Variants in SAMSN1 observed in about 807,000 individuals in gnomAD.
The protein encoded by SAMSN1 is SAM domain, SH3 domain and nuclear localization signals 1.
Under a neutral mutation model 42.0 loss-of-function variants are expected in SAMSN1, and 31 were observed. The ratio of observed to expected loss-of-function variants is 0.74; its 90% CI spans 0.55 to 1.00. SAMSN1 has a LOEUF of 1.00. Among genes scored for constraint, SAMSN1 ranks in the 50% least tolerant of loss-of-function variants. The pLI is 0.00. For missense variants in SAMSN1, 464 were observed against 439.4 expected (o/e 1.06, Z -0.50); for synonymous variants, 178 against 151.9 (o/e 1.17, Z -1.26).
intron 5 of SAMSN1, among the ~76,000 whole-genome samples, chr21:14,603,419 A>T (rs115325020): frequency 5.6e-4 from 85 of 152,340 alleles, no homozygotes; most frequent in African/African-American, 1.9e-3. Context: ...ATGGAGAGAG[A>T]CCACTATGAC....
chr21:14,636,523 G>A (rs1432508165), intron 2 of SAMSN1, among the ~76,000 whole-genome samples: 1 of 152,100 alleles, frequency 6.6e-6, no homozygotes, highest in Non-Finnish European at 1.5e-5. Context: ...TTGGTAAATG[G>A]ATGTGTTTCC....
chr21:14,558,515 C>A (rs1980836375), intron 2 of SAMSN1, among the ~76,000 whole-genome samples: 1 of 150,534 alleles, frequency 6.6e-6, no homozygotes, highest in African/African-American at 2.5e-5. Context: ...ACCATCTTTA[C>A]TAAAAATACA....
chr21:14,532,816 T>C (rs543440276), intron 1 of SAMSN1, among the ~76,000 whole-genome samples: 1 of 152,182 alleles, frequency 6.6e-6, no homozygotes, highest in East Asian at 1.9e-4. Context: ...AGATAAAAGA[T>C]GATTGCTATG....
intron 3 of SAMSN1, among the ~76,000 whole-genome samples, chr21:14,514,037 C>T (rs1987801587): frequency 6.6e-6 from 1 of 152,152 alleles, no homozygotes; most frequent in Non-Finnish European, 1.5e-5. Flanking sequence ...ACTCCATTTG[C>T]ACTAAAGCCA....
chr21:14,612,191 C>T (rs1231930631), intron 4 of SAMSN1, among the ~76,000 whole-genome samples: 1 of 152,138 alleles, frequency 6.6e-6, no homozygotes, highest in Non-Finnish European at 1.5e-5. Context: ...CAAGATTGCA[C>T]CATTGCATTT....
chr21:14,602,110 A>G lies in SAMSN1; in HGVS notation c.323-11T>C, dbSNP rs1296059818. ...CATCTTCATTTAGATCTAAGAAAAG[A>G]GATAACTGTTACATACAGAATATCA... On this transcript the variant is annotated splice_polypyrimidine_tract_variant and intron_variant, in intron 5 of 15. Coordinates refer to the SAMSN1 transcript ENST00000647101. 4.3e-5 allele frequency: 28 copies of G among 646,526 alleles called. No individual in the cohort carries two copies. In the East Asian group the frequency reaches 7.2e-4, roughly 17 times the overall value. 40.0% of individuals were successfully genotyped at this position (646,526 alleles called of 1,614,324 possible). A position where few individuals can be genotyped will look rare whatever the true frequency, so the allele number is the denominator to read the frequency against.
intron 2 of SAMSN1, among the ~76,000 whole-genome samples, chr21:14,619,023 T>G (rs1371059109): frequency 6.6e-6 from 1 of 152,220 alleles, no homozygotes. Context: ...CAAGCTATGT[T>G]ATTTTTAAGG....
At chr21:14,516,519 G>A (rs1305319928) in intron 3 of SAMSN1, among the ~76,000 whole-genome samples, 2 of 152,168 alleles carry the variant, frequency 1.3e-5, no homozygotes, top group African/African-American at 2.4e-5. Flanking sequence ...AGCCTCCTGA[G>A]TAGCTAGGAC....
intron 4 of SAMSN1, among the ~76,000 whole-genome samples, chr21:14,510,718 C>G (rs921265717): frequency 6.6e-6 from 1 of 152,204 alleles, no homozygotes; most frequent in African/African-American, 2.4e-5. Context: ...TCACTTCAGT[C>G]TCCGTAATCG....
intron 2 of SAMSN1, among the ~76,000 whole-genome samples, chr21:14,553,893 GTTAT>G (rs752301826): frequency 2.6e-5 from 4 of 151,952 alleles, no homozygotes; most frequent in Non-Finnish European, 2.9e-5. Context: ...GTTGATATGG[GTTAT>G]TTAAAAACTT....
chr21:14,578,920 A>G (rs1020377121), intron 2 of SAMSN1, among the ~76,000 whole-genome samples: 26 of 152,282 alleles, frequency 1.7e-4, no homozygotes, highest in Non-Finnish European at 3.2e-4. Flanking sequence ...ATAGTAAGTA[A>G]CATTCATTAC....
chr21:14,541,323 TAAA>T (rs34794481), intron 1 of SAMSN1, among the ~76,000 whole-genome samples: 308 of 145,210 alleles, frequency 2.1e-3, no homozygotes, highest in Middle Eastern at 0.011. Context: ...CAAAATCCTG[TAAA>T]AAAAAAAAAA....
intron 3 of SAMSN1, among the ~76,000 whole-genome samples, chr21:14,514,941 G>A (rs376975801): frequency 4.6e-5 from 7 of 152,074 alleles, no homozygotes; most frequent in African/African-American, 1.4e-4. Context: ...CTGACTTAAG[G>A]GGAGAATGTA....
chr21:14,516,773 C>G lies in SAMSN1; in HGVS notation c.279+119G>C, dbSNP rs1374555247. 3 of 783,424 alleles carry G rather than the reference C, an allele frequency of 3.8e-6. No individual in the cohort carries two copies. In the East Asian group the frequency reaches 8.6e-5, roughly 22 times the overall value. The allele number at this position is 783,424 out of a possible 1,614,324, so 48.5% of individuals were successfully genotyped here. A position where few individuals can be genotyped will look rare whatever the true frequency, so the allele number is the denominator to read the frequency against. On this transcript the variant is annotated intron_variant, in intron 3 of 7. Transcript: ENST00000400566. Reference sequence around the variant, plus strand: ...TCCACCCAAGTTCTGGGCATAATGACTGAGGAAGAAAACAAATGCTTAAGT... The same window carrying G: ...TCCACCCAAGTTCTGGGCATAATGAGTGAGGAAGAAAACAAATGCTTAAGT...
At chr21:14,612,663 G>A (rs1271466873) in intron 4 of SAMSN1, 2 of 622,160 alleles carry the variant, frequency 3.2e-6, no homozygotes, top group Non-Finnish European at 6.2e-6. Context: ...AATATAAACG[G>A]AAAATATTGC....
At chr21:14,552,427 A>T (rs1284517264) in intron 2 of SAMSN1, among the ~76,000 whole-genome samples, 1 of 152,138 alleles carries the variant, frequency 6.6e-6, no homozygotes, top group Non-Finnish European at 1.5e-5. Flanking sequence ...GAATTAGGTC[A>T]TGGGGACAGA....
chr21:14,578,401 G>C (rs1981576348), intron 2 of SAMSN1, among the ~76,000 whole-genome samples: 1 of 152,118 alleles, frequency 6.6e-6, no homozygotes, highest in Admixed American at 6.6e-5. Context: ...CCTCAAAGAT[G>C]AGTTAATTTC....
intron 3 of SAMSN1, among the ~76,000 whole-genome samples, chr21:14,613,409 T>A (rs76775472): frequency 1.3e-5 from 2 of 152,330 alleles, no homozygotes; most frequent in African/African-American, 4.8e-5. Context: ...CTGAGCAATA[T>A]CACTGTCAAA....
At chr21:14,617,953 G>T (rs183902303) in intron 2 of SAMSN1, among the ~76,000 whole-genome samples, 41 of 152,342 alleles carry the variant, frequency 2.7e-4, no homozygotes, top group Admixed American at 1.5e-3. Context: ...CCCACACAAA[G>T]CTTAAACACT....
Sources: allele counts gnomAD v4.1 joint callset (sites outside exome capture counted in the v4.1 genomes callset), GRCh38; gene constraint gnomAD v4.1.1; transcripts MANE v1.5; gene names NCBI Gene and HGNC (gene_info 2026-07-23, HGNC 2026-07-21).